The following CYSTM1 variants were observed in gnomAD, a reference collection of about 807,000 sequenced individuals.
The protein encoded by CYSTM1 is cysteine-rich transmembrane module-containing protein 1.
In CYSTM1, 4 loss-of-function variants were observed where a neutral mutation model predicts 13.1. That is an observed-to-expected ratio of 0.31 (90% CI 0.15 to 0.70). CYSTM1 has a LOEUF of 0.70. CYSTM1 is among the 30% of genes least tolerant of loss of function. CYSTM1 has a pLI of 0.72. For missense variants in CYSTM1, 96 were observed against 121.6 expected, an observed-to-expected ratio of 0.79 and a Z score of 0.99; for synonymous variants, 36 against 42.7, an observed-to-expected ratio of 0.84 and a Z score of 0.62.
chr5:140,183,263 C>T (rs1167922658), intron 1 of CYSTM1, among the ~76,000 whole-genome samples: 1 of 152,126 alleles, frequency 6.6e-6, no homozygotes, highest in African/African-American at 2.4e-5. Flanking sequence ...GAGTTCTTCC[C>T]TTTTCTCTCT....
chr5:140,203,547 A>C (rs1442040791), intron 2 of CYSTM1, among the ~76,000 whole-genome samples: 1 of 152,262 alleles, frequency 6.6e-6, no homozygotes, highest in Non-Finnish European at 1.5e-5. Flanking sequence ...CAGTGGTGAC[A>C]GGTGAATTCC....
At chr5:140,205,276 C>T (rs1468595685) in intron 2 of CYSTM1, among the ~76,000 whole-genome samples, 1 of 152,160 alleles carries the variant, frequency 6.6e-6, no homozygotes, top group Admixed American at 6.5e-5. Context: ...TGGCATATTT[C>T]TCCTGCACAC....
intron 1 of CYSTM1, among the ~76,000 whole-genome samples, chr5:140,189,997 C>A (rs1343863585): frequency 6.6e-6 from 1 of 151,964 alleles, no homozygotes; most frequent in Non-Finnish European, 1.5e-5. Flanking sequence ...ACAAGGATAA[C>A]CAATTAATCC....
At chr5:140,180,300 C>A (rs909080671) in intron 1 of CYSTM1, among the ~76,000 whole-genome samples, 1 of 152,188 alleles carries the variant, frequency 6.6e-6, no homozygotes, top group African/African-American at 2.4e-5. Flanking sequence ...ACGTACTGAA[C>A]TACAACATCC....
At chr5:140,196,416 G>C (rs1764159987) in intron 2 of CYSTM1, among the ~76,000 whole-genome samples, 1 of 152,046 alleles carries the variant, frequency 6.6e-6, no homozygotes, top group South Asian at 2.1e-4. Context: ...TTTTATTCTA[G>C]GACTTGATGA....
At chr5:140,221,253 G>A (rs1764485465) in intron 2 of CYSTM1, among the ~76,000 whole-genome samples, 1 of 152,164 alleles carries the variant, frequency 6.6e-6, no homozygotes, top group Non-Finnish European at 1.5e-5. Context: ...CATTTTTAAT[G>A]TACAATTCAT....
At chr5:140,177,611 G>T (rs1322850616) in intron 1 of CYSTM1, among the ~76,000 whole-genome samples, 2 of 152,186 alleles carry the variant, frequency 1.3e-5, no homozygotes, top group East Asian at 3.8e-4. Context: ...TCCAGGGTGA[G>T]ACCTGGGGAA....
chr5:140,175,469 G>T lies in CYSTM1; in HGVS notation c.-21+184G>T, dbSNP rs1329054093. ...GCAGGGAGGCAGGGAAGCTGCTGCC[G>T]CCAGCTGGATCCCTCCCGGCGCCCC... is the stretch of plus-strand genomic sequence containing the variant. On this transcript the variant is annotated intron_variant, in intron 1 of 2. Transcript: ENST00000261811. This position sits in a 1 kb window ranked among gnomAD's most constrained non-coding sequence, Gnocchi z 4.9. Among the ~76,000 whole-genome samples, 1 of 152,030 alleles carries T rather than the reference G, an allele frequency of 6.6e-6. No individual in the cohort carries two copies. The highest frequency in any genetic ancestry group is 1.5e-5 in the Non-Finnish European group (1 of 67,994).
intron 2 of CYSTM1, among the ~76,000 whole-genome samples, chr5:140,217,105 A>T (rs1764438253): frequency 6.6e-6 from 1 of 152,114 alleles, no homozygotes; most frequent in Admixed American, 6.5e-5. Flanking sequence ...TTTTTTAAGT[A>T]GCGCCTTGGT....
chr5:140,228,865 G>A (rs1764590063), intron 2 of CYSTM1: 1 of 398,774 alleles, frequency 2.5e-6, no homozygotes. Context: ...TTTCCCTACA[G>A]CCCTGCTACC....
At chr5:140,182,775 ATTCC>A (rs1439871205) in intron 1 of CYSTM1, among the ~76,000 whole-genome samples, 1 of 152,028 alleles carries the variant, frequency 6.6e-6, no homozygotes, top group Non-Finnish European at 1.5e-5. Flanking sequence ...CGTAAAGCCT[ATTCC>A]TTTAAGAATC....
chr5:140,228,824 C>T (rs776762858), intron 2 of CYSTM1: 9 of 399,128 alleles, frequency 2.3e-5, no homozygotes, highest in Non-Finnish European at 3.5e-5. Context: ...GCCTCCTGGA[C>T]AACTTGAACT....
chr5:140,186,841 T>G (rs1338393622), intron 1 of CYSTM1, among the ~76,000 whole-genome samples: 1 of 152,160 alleles, frequency 6.6e-6, no homozygotes, highest in Non-Finnish European at 1.5e-5. Flanking sequence ...ACTCAGTAAT[T>G]CTAGGCCAGG....
In CYSTM1 at chr5:140,239,013, C is replaced by G. The variant is rs1283106958; in HGVS notation, c.188-4292C>G. ...AAGGGGCCACGGTGCTGCTTCCTCACTCCTGGAGCAAGAAGGCTGCAGGCA... is the reference window on the plus strand; with the variant it reads ...AAGGGGCCACGGTGCTGCTTCCTCAGTCCTGGAGCAAGAAGGCTGCAGGCA... On this transcript the variant is annotated intron_variant, in intron 2 of 2. Coordinates refer to ENST00000261811, the MANE Select transcript of CYSTM1 (RefSeq NM_032412.4). The surrounding 1 kb of genome is among the most constrained non-coding windows in gnomAD (Gnocchi z 5.4). Among the ~76,000 whole-genome samples the G allele has an allele frequency of 1.3e-5, 2 of 152,186 alleles. No individual in the cohort carries two copies.
At chr5:140,194,204 C>T (rs1041800173) in intron 1 of CYSTM1, among the ~76,000 whole-genome samples, 2 of 152,184 alleles carry the variant, frequency 1.3e-5, no homozygotes, top group Non-Finnish European at 2.9e-5. Flanking sequence ...CCAAAACTTA[C>T]TTGATATCTA....
At chr5:140,225,245 G>C (rs1256820032) in intron 2 of CYSTM1, among the ~76,000 whole-genome samples, 1 of 152,222 alleles carries the variant, frequency 6.6e-6, no homozygotes, top group African/African-American at 2.4e-5. Flanking sequence ...TTCCTACATA[G>C]GTGTCACTGC....
chr5:140,237,377 G>A (rs1174681368), intron 2 of CYSTM1, among the ~76,000 whole-genome samples: 2 of 152,234 alleles, frequency 1.3e-5, no homozygotes, highest in Non-Finnish European at 2.9e-5. Context: ...CTGATTTGAG[G>A]CGAGCCTGAT....
At position 140,226,505 on chromosome 5, in the gene CYSTM1, A is replaced by AT. The variant is rs1491024017; in HGVS notation, c.188-16800_188-16799insT. Among the ~76,000 whole-genome samples the AT allele has an allele frequency of 6.2e-5, 5 of 80,462 alleles. No homozygotes were observed. In the East Asian group the frequency reaches 9.3e-4, roughly 15 times the overall value. The allele number at this position is 80,462 out of a possible 152,430, so 52.8% of individuals were successfully genotyped here. On this transcript the variant is annotated intron_variant, in intron 2 of 2. Transcript: ENST00000261811. ...TATTTATATATATATAATATATATA[A>AT]ATATATATTAATAATATATAATATA...
intron 2 of CYSTM1, among the ~76,000 whole-genome samples, chr5:140,216,957 T>G (rs929557887): frequency 6.6e-5 from 10 of 152,038 alleles, no homozygotes; most frequent in African/African-American, 2.2e-4. Context: ...TCTCTTGAGG[T>G]TCTAGTCATC....
Sources: allele counts gnomAD v4.1 joint callset (sites outside exome capture counted in the v4.1 genomes callset), GRCh38; gene constraint gnomAD v4.1.1; non-coding constraint Gnocchi (gnomAD v3.1); transcripts MANE v1.5; gene names NCBI Gene and HGNC (gene_info 2026-07-23, HGNC 2026-07-21).